LRRC37A2: variants seen among roughly 807,000 people sequenced by gnomAD.
LRRC37A2 encodes leucine rich repeat containing 37 member A2.
In LRRC37A2, 9 loss-of-function variants were observed where a neutral mutation model predicts 68.8. The observed-to-expected ratio is 0.13, with a 90% confidence interval of 0.08 to 0.23. The LOEUF is 0.23. LRRC37A2 is among the 10% of genes least tolerant of loss of function. The probability of loss-of-function intolerance (pLI) is 1.00; values close to 1 mark genes in which losing one functional copy is unlikely to be tolerated. For synonymous variants in LRRC37A2, 63 were observed against 367.6 expected (o/e 0.17, Z 9.48); for missense variants, 168 against 950.4 (o/e 0.18, Z 10.82).
the LRRC37A2 span, among the ~76,000 whole-genome samples, chr17:46,825,635 G>A: frequency 6.6e-6 from 1 of 152,246 alleles, no homozygotes; most frequent in East Asian, 1.9e-4. Context: ...GAGCACTGAT[G>A]AGCAAAAGCA....
chr17:46,901,975 T>G, the LRRC37A2 span, among the ~76,000 whole-genome samples: 2 of 152,210 alleles, frequency 1.3e-5, no homozygotes, highest in East Asian at 3.9e-4. Flanking sequence ...GCCCAGCTAA[T>G]TTTTGTATTT....
chr17:46,722,746 G>T, the LRRC37A2 span, among the ~76,000 whole-genome samples: 1 of 152,196 alleles, frequency 6.6e-6, no homozygotes, highest in Non-Finnish European at 1.5e-5. Flanking sequence ...AAATGTACGT[G>T]TGAGAAGAAA....
chr17:46,941,638 A>G, the LRRC37A2 span: 6 of 170,376 alleles, frequency 3.5e-5, no homozygotes, highest in African/African-American at 1.2e-4. Flanking sequence ...CAGTGGCGCA[A>G]TCTTGGCTCA....
At chr17:46,900,845 A>C in the LRRC37A2 span, among the ~76,000 whole-genome samples, 1 of 152,214 alleles carries the variant, frequency 6.6e-6, no homozygotes, top group Non-Finnish European at 1.5e-5. Context: ...CACCATCTAC[A>C]AGCCAAGCTC....
chr17:46,855,822 C>T, the LRRC37A2 span, among the ~76,000 whole-genome samples: 3 of 152,110 alleles, frequency 2.0e-5, no homozygotes, highest in Non-Finnish European at 4.4e-5. Flanking sequence ...CCTCAGCTTC[C>T]CCAGTAGCTG....
At chr17:46,548,769 C>T in exon 10 of LRRC37A2, 1 of 1,611,332 alleles carries the variant, frequency 6.2e-7, no homozygotes. Flanking sequence ...GGAGTCCAGC[C>T]CCAAGGGAGG....
At chr17:46,838,245 G>T in the LRRC37A2 span, among the ~76,000 whole-genome samples, 3 of 151,976 alleles carry the variant, frequency 2.0e-5, no homozygotes, top group African/African-American at 7.3e-5. Context: ...TGGTGGTAAG[G>T]TGGGGAGGGA....
chr17:46,995,681 T>C, the LRRC37A2 span, among the ~76,000 whole-genome samples: 1 of 152,204 alleles, frequency 6.6e-6, no homozygotes, highest in Admixed American at 6.5e-5. Flanking sequence ...CTTCTCCCTT[T>C]GCATCATGGA....
the LRRC37A2 span, among the ~76,000 whole-genome samples, chr17:46,861,283 GT>G: frequency 6.6e-6 from 1 of 152,162 alleles, no homozygotes; most frequent in Non-Finnish European, 1.5e-5. Flanking sequence ...TTCACTTGTA[GT>G]TTCCTTTAGT....
At chr17:46,721,882 G>A in the LRRC37A2 span, 10 of 1,584,466 alleles carry the variant, frequency 6.3e-6, no homozygotes, top group East Asian at 2.2e-5. Context: ...TCCTCTGAGC[G>A]ATAAAGACGA....
At chr17:46,984,402 T>C in the LRRC37A2 span, among the ~76,000 whole-genome samples, 106,400 of 151,934 alleles carry the variant, frequency 0.7, 37,874 homozygotes, top group Middle Eastern at 0.78. Flanking sequence ...AGCCTAAGGG[T>C]GAGTCTGTCA....
the LRRC37A2 span, among the ~76,000 whole-genome samples, chr17:46,981,220 A>G: frequency 4.6e-5 from 7 of 152,360 alleles, no homozygotes; most frequent in African/African-American, 9.6e-5. Flanking sequence ...CCCAACACAC[A>G]GGCATCACAG....
the LRRC37A2 span, among the ~76,000 whole-genome samples, chr17:46,409,578 A>G: frequency 7.1e-6 from 1 of 140,726 alleles, no homozygotes; most frequent in Non-Finnish European, 1.6e-5. Flanking sequence ...CATCATGCCC[A>G]ACCTAAAGAC....
At chr17:46,719,806 G>C in the LRRC37A2 span, among the ~76,000 whole-genome samples, 1 of 152,152 alleles carries the variant, frequency 6.6e-6, no homozygotes, top group South Asian at 2.1e-4. This position sits in a 1 kb window ranked among gnomAD's most constrained non-coding sequence, Gnocchi z 4.3. Flanking sequence ...TGCTTTCTGA[G>C]TATACAATCA....
chr17:46,883,281 CTTT>C, the LRRC37A2 span, among the ~76,000 whole-genome samples: 2 of 142,644 alleles, frequency 1.4e-5, no homozygotes, highest in Admixed American at 7.1e-5. Context: ...TGCGCCCGGC[CTTT>C]TTTTTTTTTT....
the LRRC37A2 span, among the ~76,000 whole-genome samples, chr17:46,497,257 C>A: frequency 7.1e-6 from 1 of 141,640 alleles, no homozygotes; most frequent in Non-Finnish European, 1.5e-5. Context: ...AATCTGACAG[C>A]GTCTTTTAAT....
chr17:47,021,900 T>G, the LRRC37A2 span: 633 of 1,527,624 alleles, frequency 4.1e-4, 4 homozygotes, highest in Middle Eastern at 3.0e-3. Context: ...GTATGGAAAG[T>G]GTACAGTTGG....
the LRRC37A2 span, chr17:47,021,947 C>T: frequency 1.3e-6 from 2 of 1,495,034 alleles, no homozygotes; most frequent in Non-Finnish European, 1.9e-6. Flanking sequence ...CCAAATATGA[C>T]AAAAAGCTAA....
At chr17:46,850,112 A>C in the LRRC37A2 span, among the ~76,000 whole-genome samples, 10 of 152,306 alleles carry the variant, frequency 6.6e-5, no homozygotes, top group Middle Eastern at 3.4e-3. Context: ...GGCCTCCCAA[A>C]GTGCTGGGAT....
Sources: gnomAD v4.1 joint callset for allele counts (sites outside exome capture counted in the v4.1 genomes callset) on GRCh38, gnomAD v4.1.1 for gene constraint, Gnocchi (gnomAD v3.1) non-coding constraint, MANE v1.5 for transcripts, NCBI Gene and HGNC (gene_info 2026-07-23, HGNC 2026-07-21) for gene names.